Variants in BLVRA observed in about 807,000 individuals in gnomAD.
BLVRA encodes the protein BVR A.
Under a neutral mutation model 32.8 loss-of-function variants are expected in BLVRA, and 22 were observed. The observed-to-expected ratio is 0.67, with a 90% CI of 0.48 to 0.96. The LOEUF (loss-of-function observed/expected upper bound fraction) is 0.96, where lower values mean the gene tolerates loss of function less well. Among genes scored for constraint, BLVRA ranks in the 40% least tolerant of loss-of-function variants. BLVRA has a pLI of 0.00. For missense variants in BLVRA, 323 were observed against 358.1 expected (o/e 0.90, Z 0.79); for synonymous variants, 119 against 141.3 (o/e 0.84, Z 1.12).
At chr7:43,799,673 C>T (rs1045069005) in intron 5 of BLVRA, among the ~76,000 whole-genome samples, 2 of 151,996 alleles carry the variant, frequency 1.3e-5, no homozygotes, top group Admixed American at 1.3e-4. Context: ...CAGGTTTTGC[C>T]ATGTTGCCCA....
At chr7:43,794,306 G>A (rs1340022319) in intron 5 of BLVRA, among the ~76,000 whole-genome samples, 1 of 152,126 alleles carries the variant, frequency 6.6e-6, no homozygotes, top group Non-Finnish European at 1.5e-5. Flanking sequence ...TACTAGACCT[G>A]CCCTACAGGA....
chr7:43,778,199 T>C lies in BLVRA; in HGVS notation c.12+7029T>C, dbSNP rs1483941857. Reference sequence around the variant, plus strand: ...CGTTGCTGGTGAGGAACTGCATTCCTTTGGAGGAGGAGAGGCGCTCTGCTT... The same window carrying C: ...CGTTGCTGGTGAGGAACTGCATTCCCTTGGAGGAGGAGAGGCGCTCTGCTT... On this transcript the variant is annotated intron_variant, in intron 2 of 7. Transcript: ENST00000265523. 2.6e-5 allele frequency among the ~76,000 whole-genome samples: 4 copies of C among 152,364 alleles called. No homozygotes were observed. In the East Asian group the frequency reaches 7.7e-4, roughly 29 times the overall value.
chr7:43,758,455 G>T (rs17239402), upstream of BLVRA, among the ~76,000 whole-genome samples: 4 of 120,390 alleles, frequency 3.3e-5, no homozygotes, highest in African/African-American at 1.1e-4. Context: ...ACCAAGCTGG[G>T]TGCAGAGAAC....
chr7:43,786,036 A>G (rs946264095), intron 2 of BLVRA, among the ~76,000 whole-genome samples: 6 of 152,228 alleles, frequency 3.9e-5, no homozygotes, highest in African/African-American at 1.4e-4. Flanking sequence ...AAACCCAACC[A>G]TATCAATAAT....
intron 1 of BLVRA, chr7:43,767,518 C>A (rs79003558): frequency 1.7e-6 from 2 of 1,192,080 alleles, no homozygotes; most frequent in East Asian, 2.4e-5. Flanking sequence ...CCGTGGTCAC[C>A]GGCCATGTGG....
chr7:43,781,941 A>G (rs992648235), intron 2 of BLVRA, among the ~76,000 whole-genome samples: 5 of 152,294 alleles, frequency 3.3e-5, no homozygotes, highest in East Asian at 3.9e-4. Flanking sequence ...AATCCCATCC[A>G]TCCAGTTCAA....
intron 2 of BLVRA, among the ~76,000 whole-genome samples, chr7:43,777,847 T>C (rs1001836087): frequency 3.9e-5 from 6 of 152,246 alleles, no homozygotes; most frequent in Admixed American, 3.3e-4. Context: ...CATTTCTTTT[T>C]ATTCTTCTTT....
Position 43,787,767 on chromosome 7 carries a change from C to A in BLVRA, c.13-137C>A. 7.4e-7 allele frequency: 1 copy of A among 1,360,512 alleles called. No individual in the cohort carries two copies. Among genetic ancestry groups the A allele is most frequent in the Non-Finnish European group, 1.0e-6 (1 of 954,582 alleles). 84.3% of individuals were successfully genotyped at this position (1,360,512 alleles called of 1,614,324 possible). On this transcript the variant is annotated intron_variant, in intron 2 of 7. Transcript: ENST00000265523. This position sits in a 1 kb window ranked among gnomAD's most constrained non-coding sequence, Gnocchi z 4.5. ...ATTTCGGGGACTGTCTCATCCCATCCTGATGCTGTGGCTTCCTGTGTGTTT... is the reference window on the plus strand; with the variant it reads ...ATTTCGGGGACTGTCTCATCCCATCATGATGCTGTGGCTTCCTGTGTGTTT...
chr7:43,804,138 G>C lies in BLVRA; in HGVS notation c.632+291G>C, dbSNP rs140660034. Among the ~76,000 whole-genome samples the C allele has an allele frequency of 5.6e-3, 847 of 152,304 alleles. 9 individuals carry two copies. The highest frequency in any genetic ancestry group is 0.02 in the African/African-American group (821 of 41,582). On this transcript the variant is annotated intron_variant, in intron 7 of 7. Coordinates refer to ENST00000265523, the MANE Select transcript of BLVRA (RefSeq NM_000712.4). ...CATGCAAGTCATTCATAGCAGATTA[G>C]TAGTGGAAATTACATTACCTTGGCT...
intron 2 of BLVRA, among the ~76,000 whole-genome samples, chr7:43,776,869 T>G (rs1288701217): frequency 2.6e-5 from 4 of 152,246 alleles, no homozygotes; most frequent in African/African-American, 9.6e-5. Context: ...GCTCTTCTTG[T>G]TGAATTGATC....
intron 1 of BLVRA, among the ~76,000 whole-genome samples, chr7:43,770,423 G>A (rs956329915): frequency 6.6e-6 from 1 of 152,136 alleles, no homozygotes; most frequent in Non-Finnish European, 1.5e-5. Context: ...TGGTGAAAAT[G>A]CAGATTCATG....
chr7:43,773,953 A>G (rs2132554807), intron 2 of BLVRA, among the ~76,000 whole-genome samples: 1 of 152,202 alleles, frequency 6.6e-6, no homozygotes, highest in South Asian at 2.1e-4. Flanking sequence ...AGAAGTGTCT[A>G]TTCATATCCT....
At chr7:43,784,874 G>A (rs898872900) in intron 2 of BLVRA, among the ~76,000 whole-genome samples, 1 of 152,126 alleles carries the variant, frequency 6.6e-6, no homozygotes, top group African/African-American at 2.4e-5. Flanking sequence ...CTCCCAGAGT[G>A]CTGGGTTTAC....
intron 1 of BLVRA, 31 bp downstream of exon 1, chr7:43,758,765 C>G (rs1242343634): frequency 6.6e-6 from 1 of 151,744 alleles, no homozygotes; most frequent in East Asian, 1.9e-4. Context: ...GGGGGTCGCG[C>G]GCAGGGGAGC....
chr7:43,767,149 C>A (rs1017490854), intron 1 of BLVRA: 36 of 484,386 alleles, frequency 7.4e-5, no homozygotes, highest in Admixed American at 7.2e-4. Context: ...TTTTGCTTTC[C>A]CCAGATTATG....
At chr7:43,795,824 G>A (rs1055781481) in intron 5 of BLVRA, among the ~76,000 whole-genome samples, 2 of 151,460 alleles carry the variant, frequency 1.3e-5, no homozygotes, top group African/African-American at 4.9e-5. Context: ...AAAAAGAGTC[G>A]GCCGGGTGCA....
intron 6 of BLVRA, 61 bp from the exon 7 acceptor site, chr7:43,803,615 T>C: frequency 7.2e-6 from 6 of 830,050 alleles, no homozygotes; most frequent in Non-Finnish European, 1.1e-5. Flanking sequence ...CACCCCCCTG[T>C]CCTGCTTTCC....
chr7:43,779,094 C>G (rs1186950869), intron 2 of BLVRA, among the ~76,000 whole-genome samples: 1 of 152,222 alleles, frequency 6.6e-6, no homozygotes. Flanking sequence ...ACTCCCTGAC[C>G]CCTTGCGCTT....
At chr7:43,778,868 C>G (rs1309551493) in intron 2 of BLVRA, among the ~76,000 whole-genome samples, 1 of 152,260 alleles carries the variant, frequency 6.6e-6, no homozygotes. Context: ...GCAGGCGCCC[C>G]TCCCCCAGCC....
Sources: allele counts gnomAD v4.1 joint callset (sites outside exome capture counted in the v4.1 genomes callset), GRCh38; gene constraint gnomAD v4.1.1; non-coding constraint Gnocchi (gnomAD v3.1); transcripts MANE v1.5; gene names NCBI Gene and HGNC (gene_info 2026-07-23, HGNC 2026-07-21).